Variants in NAA25 observed in about 807,000 individuals in gnomAD.
The protein encoded by NAA25 is N-terminal acetyltransferase B complex subunit NAA25.
A neutral mutation model predicts 132.5 loss-of-function variants in NAA25; 30 were observed. The ratio of observed to expected loss-of-function variants is 0.23; its 90% CI spans 0.17 to 0.31. The LOEUF is 0.31. NAA25 is among the 10% of genes least tolerant of loss of function. The pLI is 1.00. For missense variants in NAA25, 771 were observed against 1,150.4 expected (o/e 0.67, Z 4.77); for synonymous variants, 359 against 401.9 (o/e 0.89, Z 1.28).
intron 1 of NAA25, among the ~76,000 whole-genome samples, chr12:112,097,606 CAAAAAAAAAAA>C (rs777633329): frequency 1.9e-5 from 1 of 52,782 alleles, no homozygotes; most frequent in Non-Finnish European, 4.2e-5. Context: ...GACTCCGTCT[CAAAAAAAAAAA>C]AAAAAAAAGA....
At chr12:112,051,739 C>A (rs1345932370) in intron 15 of NAA25, among the ~76,000 whole-genome samples, 1 of 152,130 alleles carries the variant, frequency 6.6e-6, no homozygotes, top group East Asian at 1.9e-4. Flanking sequence ...ACAAAAAAAA[C>A]TCTGAGGATG....
At position 112,061,167 on chromosome 12, in the gene NAA25, G is replaced by C. The variant is rs1185910656; in HGVS notation, c.1357+14C>G. ...AGATCAGGGAACTACTGCACATTTT[G>C]AATGGTTGCTCACCAAATTCCAGTC... On this transcript the variant is annotated intron_variant, in intron 12 of 23. Transcript: ENST00000261745. The C allele has an allele frequency of 1.3e-6, 2 of 1,519,100 alleles. No homozygotes were observed. The highest frequency in any genetic ancestry group is 1.8e-5 in the Admixed American group (1 of 54,640). 94.1% of individuals were successfully genotyped at this position (1,519,100 alleles called of 1,614,324 possible). A position where few individuals can be genotyped will look rare whatever the true frequency, so the allele number is the denominator to read the frequency against.
chr12:112,044,668 TCAAAACAAAACAAAA>T (rs377462700), intron 17 of NAA25, among the ~76,000 whole-genome samples: 3 of 150,404 alleles, frequency 2.0e-5, no homozygotes, highest in Middle Eastern at 3.6e-3. Flanking sequence ...AGACTCCATC[TCAAAACAAAACAAAA>T]CAAAACAAAA....
chr12:112,091,607 C>A (rs1398190534), intron 2 of NAA25, among the ~76,000 whole-genome samples: 1 of 151,652 alleles, frequency 6.6e-6, no homozygotes, highest in South Asian at 2.1e-4. Context: ...GTAGGAGGAT[C>A]GCTTGAGTCC....
rs372750474 is a variant in NAA25 at position 112,074,762 on chromosome 12, G to A, written c.779C>T (p.Ser260Leu). ...AGTCAGATAGAACTGCCAGTCATCT[G>A]AGCTAAAATCAGATTGAATGATGCA... is the stretch of plus-strand genomic sequence containing the variant. Reference protein sequence around the residue: ...ALSRRLLLKNSDDWQFYLTYF... With the variant: ...ALSRRLLLKNLDDWQFYLTYF... Residue 260 changes from serine (S) to leucine (L), a missense_variant and splice_region_variant, in exon 9 of 24, where the codon TCA becomes TTA. Physicochemically the swap from Ser to Leu is moderately radical, Grantham distance 145 (BLOSUM62 -2). This residue lies in a region of NAA25 where 417 missense variants were observed against 733.8 expected (regional missense o/e 0.57). Transcript: ENST00000261745. 5 of 1,607,384 alleles carry A rather than the reference G, an allele frequency of 3.1e-6. No homozygotes were observed. Among genetic ancestry groups the A allele is most frequent in the Non-Finnish European group, 4.3e-6 (5 of 1,176,198 alleles).
intron 20 of NAA25, among the ~76,000 whole-genome samples, chr12:112,040,937 T>C (rs2078292254): frequency 6.6e-6 from 1 of 152,182 alleles, no homozygotes; most frequent in Non-Finnish European, 1.5e-5. Flanking sequence ...AAAAAGTACA[T>C]TGTAGAAATG....
At chr12:112,053,795 A>T (rs930274448) in intron 14 of NAA25, 138 bp from the exon 15 acceptor site, 8 of 486,780 alleles carry the variant, frequency 1.6e-5, no homozygotes, top group African/African-American at 1.6e-4. Context: ...CTCCCACAGA[A>T]ATGATCTAAT....
intron 19 of NAA25, 45 bp from the exon 20 acceptor site, chr12:112,042,149 TAGTAAGATAAAGA>T: frequency 9.6e-7 from 1 of 1,043,944 alleles, no homozygotes; most frequent in Non-Finnish European, 1.3e-6. Flanking sequence ...ATTCTATTTT[TAGTAAGATAAAGA>T]AGCAAGATAA....
intron 1 of NAA25, 105 bp downstream of exon 1, chr12:112,108,611 G>C: frequency 8.5e-7 from 1 of 1,175,452 alleles, no homozygotes; most frequent in South Asian, 4.1e-5. Context: ...CCCTGCGCCT[G>C]CCCGGCCCGC....
At chr12:112,032,139 T>C (rs1244095727) in intron 23 of NAA25, among the ~76,000 whole-genome samples, 1 of 151,808 alleles carries the variant, frequency 6.6e-6, no homozygotes, top group African/African-American at 2.4e-5. Context: ...AATTTTTTTG[T>C]ATTTTTTTAG....
intron 1 of NAA25, among the ~76,000 whole-genome samples, chr12:112,095,212 C>T (rs968296443): frequency 5.9e-5 from 9 of 151,878 alleles, no homozygotes; most frequent in Admixed American, 1.3e-4. Flanking sequence ...CCGAGGCGGG[C>T]GGATCACGAG....
intron 17 of NAA25, among the ~76,000 whole-genome samples, chr12:112,046,388 G>A (rs2078381958): frequency 1.3e-5 from 2 of 152,182 alleles, no homozygotes; most frequent in Non-Finnish European, 2.9e-5. Context: ...TCCGGATTCT[G>A]TCATGTGTCC....
intron 1 of NAA25, among the ~76,000 whole-genome samples, chr12:112,093,489 T>A (rs2079167479): frequency 6.6e-6 from 1 of 152,006 alleles, no homozygotes; most frequent in Admixed American, 6.6e-5. Flanking sequence ...TGCAGTGACC[T>A]GAGATCATGC....
At position 112,054,427 on chromosome 12, in the gene NAA25, G is replaced by A. The variant is rs774110297; in HGVS notation, c.1589C>T (p.Ser530Phe). Residue 530 changes from serine (S) to phenylalanine (F), a missense_variant, in exon 14 of 24, where the codon TCC becomes TTC. By Grantham distance (155) the Ser-to-Phe change is radical. Around this residue, in one of 3 missense-constraint regions of NAA25, gnomAD observed 417 missense variants for 733.8 expected, o/e 0.57. Coordinates refer to ENST00000261745, the MANE Select transcript of NAA25 (RefSeq NM_024953.4). ...GAFEPVVDLYSSLDAKHIQHD... is the reference protein window; with the variant it reads ...GAFEPVVDLYFSLDAKHIQHD... ...CTGGATATGCTTAGCATCGAGGCTGGAGTAAAGATCCACCACTGGTTCAAA... is the reference window on the plus strand; with the variant it reads ...CTGGATATGCTTAGCATCGAGGCTGAAGTAAAGATCCACCACTGGTTCAAA... The A allele has an allele frequency of 3.8e-5, 62 of 1,614,156 alleles. No homozygotes were observed. In the South Asian group the frequency reaches 6.3e-4, roughly 16 times the overall value.
At chr12:112,095,524 G>A (rs568573845) in intron 1 of NAA25, among the ~76,000 whole-genome samples, 24 of 151,652 alleles carry the variant, frequency 1.6e-4, no homozygotes, top group African/African-American at 5.8e-4. Flanking sequence ...GAGCTTGGGA[G>A]GTAGAGGCTG....
intron 1 of NAA25, among the ~76,000 whole-genome samples, chr12:112,098,784 G>A (rs543397644): frequency 1.3e-5 from 2 of 151,964 alleles, no homozygotes; most frequent in South Asian, 4.2e-4. Flanking sequence ...TTTTTTTTGA[G>A]ACTCGCTCTG....
chr12:112,061,591 G>GA, intron 11 of NAA25, among the ~76,000 whole-genome samples: 1 of 152,256 alleles, frequency 6.6e-6, no homozygotes, highest in African/African-American at 2.4e-5. Context: ...AAGCTCCAAT[G>GA]AAACTGGCAC....
intron 1 of NAA25, among the ~76,000 whole-genome samples, chr12:112,103,504 G>T (rs919677266): frequency 1.3e-5 from 2 of 152,078 alleles, no homozygotes; most frequent in African/African-American, 2.4e-5. Context: ...TTTTTAAATG[G>T]TCATATTTTC....
At chr12:112,046,368 C>T (rs2078381545) in intron 17 of NAA25, among the ~76,000 whole-genome samples, 1 of 152,176 alleles carries the variant, frequency 6.6e-6, no homozygotes, top group Non-Finnish European at 1.5e-5. Context: ...GTGCCTGTTC[C>T]TTTTTCCCTT....
Sources: gnomAD v4.1 joint callset for allele counts (sites outside exome capture counted in the v4.1 genomes callset) on GRCh38, gnomAD v4.1.1 for gene constraint, gnomAD v4.1.1 regional missense constraint, MANE v1.5 for transcripts, NCBI Gene and HGNC (gene_info 2026-07-23, HGNC 2026-07-21) for gene names.